The following ATG7 variants were observed in gnomAD, a reference collection of about 807,000 sequenced individuals.
The protein encoded by ATG7 is ubiquitin-like modifier-activating enzyme ATG7.
In ATG7, 70 loss-of-function variants were observed where a neutral mutation model predicts 82.4. The ratio of observed to expected loss-of-function variants is 0.85; its 90% CI spans 0.70 to 1.04. ATG7 has a LOEUF of 1.04. Among genes scored for constraint, ATG7 ranks in the 50% least tolerant of loss-of-function variants. ATG7 has a pLI of 0.00. For synonymous variants in ATG7, 287 were observed against 313.0 expected (o/e 0.92, Z 0.88); for missense variants, 792 against 864.3 (o/e 0.92, Z 1.05).
chr3:11,331,316 T>A (rs1951618289), intron 9 of ATG7, 24 bp from the exon 10 acceptor site: 1 of 1,559,276 alleles, frequency 6.4e-7, no homozygotes. Flanking sequence ...CTCGACTTAC[T>A]CAGAAAGTCT....
At chr3:11,440,085 G>A (rs965300451) in intron 20 of ATG7, among the ~76,000 whole-genome samples, 7 of 152,172 alleles carry the variant, frequency 4.6e-5, no homozygotes, top group Admixed American at 2.6e-4. Flanking sequence ...TTCATATTGA[G>A]CAGTTTCCAA....
intron 19 of ATG7, among the ~76,000 whole-genome samples, chr3:11,404,090 T>G (rs1370178280): frequency 1.3e-5 from 2 of 151,906 alleles, no homozygotes; most frequent in African/African-American, 4.8e-5. Context: ...TTAAACATTT[T>G]GATTTTTATA....
intron 20 of ATG7, among the ~76,000 whole-genome samples, chr3:11,502,064 G>A (rs565767181): frequency 1.8e-3 from 270 of 152,020 alleles, no homozygotes; most frequent in African/African-American, 6.3e-3. Flanking sequence ...ATATATGTTT[G>A]CTGTCATGTA....
chr3:11,548,958 C>T (rs2071531447), intron 20 of ATG7, among the ~76,000 whole-genome samples: 1 of 152,234 alleles, frequency 6.6e-6, no homozygotes, highest in Non-Finnish European at 1.5e-5. Context: ...AGGGGTTGGA[C>T]TGCTCTGTGT....
chr3:11,452,590 G>A (rs1308047026), intron 20 of ATG7, among the ~76,000 whole-genome samples: 1 of 152,030 alleles, frequency 6.6e-6, no homozygotes, highest in Non-Finnish European at 1.5e-5. Flanking sequence ...TCAGCAAACA[G>A]CGTGGTAGGG....
At chr3:11,458,175 A>C (rs1375182896) in intron 20 of ATG7, among the ~76,000 whole-genome samples, 1 of 151,890 alleles carries the variant, frequency 6.6e-6, no homozygotes, top group Admixed American at 6.6e-5. Flanking sequence ...ACTCAAAGCC[A>C]ATTTCTTCAT....
At chr3:11,558,771 T>C (rs2072673988), downstream of ATG7, 1 of 1,614,058 alleles carries the variant, frequency 6.2e-7, no homozygotes. Context: ...TCCTTGTAAT[T>C]CTTGCCCAGG....
chr3:11,310,512 T>C (rs1180335612), intron 7 of ATG7, among the ~76,000 whole-genome samples: 1 of 152,242 alleles, frequency 6.6e-6, no homozygotes, highest in East Asian at 1.9e-4. Context: ...ACACATTTTC[T>C]AACAAGTTAT....
chr3:11,449,130 A>G (rs1455762866), intron 20 of ATG7, among the ~76,000 whole-genome samples: 1 of 152,246 alleles, frequency 6.6e-6, no homozygotes, highest in East Asian at 1.9e-4. Context: ...CATCCTGTGA[A>G]GGAATGCAGC....
chr3:11,569,597 T>C, the ATG7 span, among the ~76,000 whole-genome samples: 1 of 152,112 alleles, frequency 6.6e-6, no homozygotes, highest in African/African-American at 2.4e-5. Context: ...GGCCAGTGAG[T>C]GGGCCGGGAC....
intron 18 of ATG7, 89 bp from the exon 19 acceptor site, chr3:11,379,883 T>G: frequency 7.7e-7 from 1 of 1,299,016 alleles, no homozygotes; most frequent in Non-Finnish European, 1.1e-6. Context: ...ATTAATCATT[T>G]CCTACTTGTT....
At position 11,497,533 on chromosome 3, in the gene ATG7, CA is replaced by C. The variant is rs760302631; in HGVS notation, c.2080-57256del. ...CCTGGGTGACAGAGCGAGACTCCAC[CA>C]AAAAAAAAAAAAAAAAAAAAATTCT... On this transcript the variant is annotated intron_variant, in intron 20 of 20. Coordinates refer to ENST00000693202, the MANE Select transcript of ATG7 (RefSeq NM_001349232.2). Among the ~76,000 whole-genome samples the C allele has an allele frequency of 4.7e-3, 364 of 77,406 alleles. 3 individuals are homozygous for C. The highest frequency in any genetic ancestry group is 0.038 in the Middle Eastern group (5 of 132). 50.8% of individuals were successfully genotyped at this position (77,406 alleles called of 152,430 possible). A position where few individuals can be genotyped will look rare whatever the true frequency, so the allele number is the denominator to read the frequency against.
Position 11,556,726 on chromosome 3 carries a change from C to A in ATG7, c.*1883C>A, listed in dbSNP as rs1239675893. On this transcript the variant is annotated 3_prime_UTR_variant, in exon 21 of 21. Transcript: ENST00000693202. ...TTCTTCAAAAAATACCTACAAATTT[C>A]TCTGTACATTCTTTACGCACAGCGT... 6.5e-6 allele frequency: 1 copy of A among 152,710 alleles called. No homozygotes were observed. The highest frequency in any genetic ancestry group is 2.4e-5 in the African/African-American group (1 of 41,418). The allele number at this position is 152,710 out of a possible 1,614,324, so 9.5% of individuals were successfully genotyped here.
intron 5 of ATG7, among the ~76,000 whole-genome samples, chr3:11,302,297 C>CTT (rs1946903302): frequency 6.6e-6 from 1 of 152,200 alleles, no homozygotes; most frequent in African/African-American, 2.4e-5. Context: ...TTTTAAAAGT[C>CTT]TGTCACTTTC....
intron 5 of ATG7, 69 bp from the exon 6 acceptor site, chr3:11,306,874 G>A: frequency 1.7e-6 from 2 of 1,186,494 alleles, no homozygotes; most frequent in South Asian, 2.5e-5. Flanking sequence ...CACTACAGTG[G>A]TGGTTGACTT....
Position 11,524,286 on chromosome 3 carries a change from A to G in ATG7, c.2080-30525A>G, listed in dbSNP as rs1575183792. ...CTTTCCAGCCACAATGGAGAAGCCC[A>G]TTCCCACTCTTGTCCCCACTGGGAA... On this transcript the variant is annotated intron_variant, in intron 20 of 20. Coordinates refer to ENST00000693202, the MANE Select transcript of ATG7 (RefSeq NM_001349232.2). 2.0e-5 allele frequency among the ~76,000 whole-genome samples: 3 copies of G among 151,442 alleles called. No homozygotes were observed. The East Asian group carries it at 6.3e-4, about 32-fold the overall frequency.
chr3:11,425,117 C>T (rs2082255227), intron 19 of ATG7, among the ~76,000 whole-genome samples: 1 of 152,136 alleles, frequency 6.6e-6, no homozygotes. Context: ...TGCACTCCAC[C>T]ATGCCTGGCT....
At chr3:11,418,215 C>T (rs2081576183) in intron 19 of ATG7, among the ~76,000 whole-genome samples, 1 of 151,952 alleles carries the variant, frequency 6.6e-6, no homozygotes, top group Non-Finnish European at 1.5e-5. Flanking sequence ...AGCCATCCTC[C>T]CACCATAGTC....
chr3:11,527,094 CATACAT>C (rs1442922629), intron 20 of ATG7, among the ~76,000 whole-genome samples: 6 of 100,520 alleles, frequency 6.0e-5, no homozygotes, highest in African/African-American at 1.9e-4. Flanking sequence ...TATATATATA[CATACAT>C]ATACATATAC....
Sources: gnomAD v4.1 joint callset for allele counts (sites outside exome capture counted in the v4.1 genomes callset) on GRCh38, gnomAD v4.1.1 for gene constraint, MANE v1.5 for transcripts, NCBI Gene and HGNC (gene_info 2026-07-23, HGNC 2026-07-21) for gene names.